The following CD27 variants were observed in gnomAD, a reference collection of about 807,000 sequenced individuals.
CD27 encodes the protein CD27 antigen.
Under a neutral mutation model 25.9 loss-of-function variants are expected in CD27, and 16 were observed. That is an observed-to-expected ratio of 0.62 (90% CI 0.42 to 0.94). The LOEUF (loss-of-function observed/expected upper bound fraction) is 0.94, where lower values mean the gene tolerates loss of function less well. Ranked by LOEUF, CD27 falls within the 40% of genes least tolerant of loss-of-function variation. The pLI, the probability that CD27 is intolerant of heterozygous loss-of-function variation, is 0.00. For synonymous variants in CD27, 142 were observed against 124.3 expected (o/e 1.14, Z -0.95); for missense variants, 300 against 333.2 (o/e 0.90, Z 0.78).
At position 6,450,730 on chromosome 12, in the gene CD27, G is replaced by T; in HGVS notation, c.538+100G>T. Reference sequence around the variant, plus strand: ...GCTCCTAGGATTAGGGATAAGAGGAGGGGAAAAAGCAGAGTCCACTGTTTA... The same window carrying T: ...GCTCCTAGGATTAGGGATAAGAGGATGGGAAAAAGCAGAGTCCACTGTTTA... On this transcript the variant is annotated intron_variant, in intron 4 of 5. Coordinates refer to ENST00000266557, the MANE Select transcript of CD27 (RefSeq NM_001242.5). This position sits in a 1 kb window ranked among gnomAD's most constrained non-coding sequence, Gnocchi z 4.1. The T allele has an allele frequency of 7.0e-7, 1 of 1,420,254 alleles. No homozygotes were observed. The highest frequency in any genetic ancestry group is 9.8e-7 in the Non-Finnish European group (1 of 1,022,144). 88.0% of individuals were successfully genotyped at this position (1,420,254 alleles called of 1,614,324 possible).
chr12:6,445,444 T>C lies in CD27; in HGVS notation c.157T>C (p.Cys53Arg), dbSNP rs1333455988. ...CCCAGGAACATTCCTCGTGAAGGACTGTGACCAGCATAGAAAGGCTGCTCA... is the reference window on the plus strand; with the variant it reads ...CCCAGGAACATTCCTCGTGAAGGACCGTGACCAGCATAGAAAGGCTGCTCA... ...CEPGTFLVKD[C>R]DQHRKAAQCD... Residue 53 changes from cysteine (C) to arginine (R), a missense_variant, in exon 2 of 6, where the codon TGT becomes CGT. Transcript: ENST00000266557. The surrounding 1 kb of genome is among the most constrained non-coding windows in gnomAD (Gnocchi z 4.5). 3 of 1,614,210 alleles carry C rather than the reference T, an allele frequency of 1.9e-6. No homozygotes were observed. Among genetic ancestry groups the C allele is most frequent in the African/African-American group, 1.3e-5 (1 of 75,052 alleles).
chr12:6,449,850 C>CA (rs1310746433), intron 2 of CD27, among the ~76,000 whole-genome samples: 1 of 151,584 alleles, frequency 6.6e-6, no homozygotes, highest in East Asian at 1.9e-4. Context: ...GACTCCATCT[C>CA]AAAAAAATAA....
upstream of CD27, chr12:6,444,943 T>A: frequency 1.3e-6 from 1 of 742,624 alleles, no homozygotes; most frequent in Non-Finnish European, 2.1e-6. Flanking sequence ...ACAGCCACAA[T>A]AGAGATTCTG....
Position 6,445,727 on chromosome 12 carries a change from T to C in CD27, c.268+172T>C, listed in dbSNP as rs1053435710. On this transcript the variant is annotated intron_variant, in intron 2 of 5. Coordinates refer to ENST00000266557, the MANE Select transcript of CD27 (RefSeq NM_001242.5). This position sits in a 1 kb window ranked among gnomAD's most constrained non-coding sequence, Gnocchi z 4.5. ...GAAATGCGGCACCCTAGGTGGGGCA[T>C]GAATTAACGTGGGCAGACATCTAGT... Among the ~76,000 whole-genome samples, 10 of 151,990 alleles carry C rather than the reference T, an allele frequency of 6.6e-5. No individual in the cohort carries two copies. Among genetic ancestry groups the C allele is most frequent in the Admixed American group, 5.2e-4 (8 of 15,250 alleles).
chr12:6,449,352 T>C (rs1255566133), intron 2 of CD27, among the ~76,000 whole-genome samples: 18 of 140,876 alleles, frequency 1.3e-4, no homozygotes, highest in African/African-American at 2.7e-4. Context: ...TTCACTCTGT[T>C]GCCCAGGCTG....
upstream of CD27, among the ~76,000 whole-genome samples, chr12:6,444,668 G>C (rs905428806): frequency 7.4e-6 from 1 of 134,838 alleles, no homozygotes; most frequent in Non-Finnish European, 1.6e-5. Flanking sequence ...GGTGGGTGGG[G>C]GGGGGTAACG....
chr12:6,451,604 A>G lies in CD27; in HGVS notation c.*212A>G, dbSNP rs1445904692. 1 of 528,534 alleles carries G rather than the reference A, an allele frequency of 1.9e-6. No individual in the cohort carries two copies. The highest frequency in any genetic ancestry group is 1.9e-5 in the African/African-American group (1 of 52,604). The allele number at this position is 528,534 out of a possible 1,614,324, so 32.7% of individuals were successfully genotyped here. On this transcript the variant is annotated 3_prime_UTR_variant, in exon 6 of 6. Transcript: ENST00000266557. Reference sequence around the variant, plus strand: ...GAGAGTGGGAAGCAGGAGCCCAGCCAGCTGCGCCTGCGCTGCAGGAGGGCG... The same window carrying G: ...GAGAGTGGGAAGCAGGAGCCCAGCCGGCTGCGCCTGCGCTGCAGGAGGGCG...
chr12:6,450,091 G>A lies in CD27; in HGVS notation c.269-82G>A, dbSNP rs551336869. 1.5e-6 allele frequency: 2 copies of A among 1,313,594 alleles called. No individual in the cohort carries two copies. The highest frequency in any genetic ancestry group is 1.4e-5 in the African/African-American group (1 of 69,448). 81.4% of individuals were successfully genotyped at this position (1,313,594 alleles called of 1,614,324 possible). On this transcript the variant is annotated intron_variant, in intron 2 of 5. Transcript: ENST00000266557. This position sits in a 1 kb window ranked among gnomAD's most constrained non-coding sequence, Gnocchi z 4.1. ...GTCCCTAGAGGTGGGCCTGGGATGG[G>A]GGTTGGGGGATGAAGCAAGTGGACC...
In CD27 at chr12:6,445,583, G is replaced by A. The variant is rs538499060; in HGVS notation, c.268+28G>A. The A allele has an allele frequency of 4.3e-6, 7 of 1,609,226 alleles. No homozygotes were observed. The highest frequency in any genetic ancestry group is 5.9e-6 in the Non-Finnish European group (7 of 1,178,796). On this transcript the variant is annotated intron_variant, in intron 2 of 5. Transcript: ENST00000266557. This position sits in a 1 kb window ranked among gnomAD's most constrained non-coding sequence, Gnocchi z 4.5. ...GAGGTGGGCAAGGGTGTGTAGGTGG[G>A]GACGATGGACAAGCATCTGGGGGAG... is the stretch of plus-strand genomic sequence containing the variant.
chr12:6,445,400 TG>T lies in CD27; in HGVS notation c.137-23del. ...CAGAGAACCAGCCCTTCTCAGGCCT[TG>T]ATCCCTTACCCTCTCCTCCCAGGAA... On this transcript the variant is annotated intron_variant, in intron 1 of 5. Transcript: ENST00000266557. This position sits in a 1 kb window ranked among gnomAD's most constrained non-coding sequence, Gnocchi z 4.5. The T allele has an allele frequency of 6.2e-7, 1 of 1,613,868 alleles. No individual in the cohort carries two copies. Among genetic ancestry groups the T allele is most frequent in the Non-Finnish European group, 8.5e-7 (1 of 1,179,822 alleles).
At chr12:6,449,085 T>A (rs1230770754) in intron 2 of CD27, among the ~76,000 whole-genome samples, 2 of 152,014 alleles carry the variant, frequency 1.3e-5, no homozygotes, top group African/African-American at 4.8e-5. Context: ...AACCTCCACC[T>A]CCCGGGCTCA....
Position 6,445,519 on chromosome 12 carries a change from C to A in CD27, c.232C>A (p.Arg78=), listed in dbSNP as rs775215741. 3 of 1,613,926 alleles carry A rather than the reference C, an allele frequency of 1.9e-6. No homozygotes were observed. The highest frequency in any genetic ancestry group is 1.7e-5 in the Admixed American group (1 of 60,018). Residue 78 remains arginine, a synonymous_variant, in exon 2 of 6, where the codon CGG becomes AGG. Coordinates refer to ENST00000266557, the MANE Select transcript of CD27 (RefSeq NM_001242.5). This position sits in a 1 kb window ranked among gnomAD's most constrained non-coding sequence, Gnocchi z 4.5. ...GVSFSPDHHT[R]PHCESCRHCN... ...CTCCTTCTCTCCTGACCACCACACC[C>A]GGCCCCACTGTGAGAGCTGTCGGCA... is the stretch of plus-strand genomic sequence containing the variant.
Position 6,450,803 on chromosome 12 carries a change from G to T in CD27, c.539-92G>T. 2 of 1,560,700 alleles carry T rather than the reference G, an allele frequency of 1.3e-6. No homozygotes were observed. Among genetic ancestry groups the T allele is most frequent in the South Asian group, 2.3e-5 (2 of 88,414 alleles). On this transcript the variant is annotated intron_variant, in intron 4 of 5. Transcript: ENST00000266557. The surrounding 1 kb of genome is among the most constrained non-coding windows in gnomAD (Gnocchi z 4.1). ...GCGGGTGGGATAGAATAAGGTGGGGGAAAGGGGAGAGGCAAGGTGACAGGA... is the reference window on the plus strand; with the variant it reads ...GCGGGTGGGATAGAATAAGGTGGGGTAAAGGGGAGAGGCAAGGTGACAGGA...
rs1349260522 is a variant in CD27 at position 6,445,372 on chromosome 12, G to A, written c.137-52G>A. On this transcript the variant is annotated intron_variant, in intron 1 of 5. Coordinates refer to ENST00000266557, the MANE Select transcript of CD27 (RefSeq NM_001242.5). The surrounding 1 kb of genome is among the most constrained non-coding windows in gnomAD (Gnocchi z 4.5). ...CTGTGGGGAGGCACCACCTTGAAGA[G>A]GGCAGAGAACCAGCCCTTCTCAGGC... is the stretch of plus-strand genomic sequence containing the variant. The A allele has an allele frequency of 5.0e-6, 8 of 1,612,232 alleles. No individual in the cohort carries two copies. The highest frequency in any genetic ancestry group is 5.9e-6 in the Non-Finnish European group (7 of 1,178,772).
Position 6,450,594 on chromosome 12 carries a change from C to A in CD27, c.502C>A (p.Gln168Lys). The change falls in exon 4 of 6, where the codon CAG becomes AAG. Residue 168 changes from glutamine (Q) to lysine (K), a missense_variant. By Grantham distance (53) the Gln-to-Lys change is moderately conservative. Transcript: ENST00000266557. This position sits in a 1 kb window ranked among gnomAD's most constrained non-coding sequence, Gnocchi z 4.1. ...CATGCAGACTCTGGCTGACTTCAGG[C>A]AGCTGCCTGCCCGGACTCTCTCTAC... is the stretch of plus-strand genomic sequence containing the variant. ...GHMQTLADFRQLPARTLSTHW... is the reference protein window; with the variant it reads ...GHMQTLADFRKLPARTLSTHW... The A allele has an allele frequency of 1.2e-6, 2 of 1,613,152 alleles. No individual in the cohort carries two copies. The highest frequency in any genetic ancestry group is 1.1e-5 in the South Asian group (1 of 91,082).
At chr12:6,448,994 G>GT (rs1032726979) in intron 2 of CD27, among the ~76,000 whole-genome samples, 1 of 127,984 alleles carries the variant, frequency 7.8e-6, no homozygotes, top group Non-Finnish European at 1.6e-5. Context: ...ACTTTGTTTT[G>GT]TTTTTTGTTG....
Position 6,445,527 on chromosome 12 carries a change from C to T in CD27, c.240C>T (p.His80=). The T allele has an allele frequency of 6.2e-7, 1 of 1,613,890 alleles. No individual in the cohort carries two copies. The highest frequency in any genetic ancestry group is 1.1e-5 in the South Asian group (1 of 91,084). The change falls in exon 2 of 6, where the codon CAC becomes CAT. Residue 80 remains histidine (H), a synonymous_variant. Coordinates refer to ENST00000266557, the MANE Select transcript of CD27 (RefSeq NM_001242.5). This position sits in a 1 kb window ranked among gnomAD's most constrained non-coding sequence, Gnocchi z 4.5. ...SFSPDHHTRP[H]CESCRHCNSG... is the part of the protein sequence containing the mutation. Reference sequence around the variant, plus strand: ...CTCCTGACCACCACACCCGGCCCCACTGTGAGAGCTGTCGGCACTGTAACT... The same window carrying T: ...CTCCTGACCACCACACCCGGCCCCATTGTGAGAGCTGTCGGCACTGTAACT...
intron 5 of CD27, 33 bp downstream of exon 5, chr12:6,451,047 C>T (rs774146467): frequency 1.7e-5 from 28 of 1,613,174 alleles, no homozygotes; most frequent in Non-Finnish European, 2.3e-5. Context: ...CCGGTCCTGC[C>T]CCTGCACCAC....
chr12:6,445,064 G>C lies in CD27; in HGVS notation c.-32G>C, dbSNP rs762832382. The stretch of plus-strand genomic sequence containing the variant: ...ACTCCAGAGGCCAGCATCAGCAACT[G>C]GGCACAGAAAGGAGCCGCCTGGGCA... On this transcript the variant is annotated 5_prime_UTR_variant, in exon 1 of 6. Coordinates refer to ENST00000266557, the MANE Select transcript of CD27 (RefSeq NM_001242.5). This position sits in a 1 kb window ranked among gnomAD's most constrained non-coding sequence, Gnocchi z 4.5. 1.2e-5 allele frequency: 19 copies of C among 1,582,832 alleles called. 1 individual carries two copies. The South Asian group carries it at 1.5e-4, about 12-fold the overall frequency.
Sources: gnomAD v4.1 joint callset for allele counts (sites outside exome capture counted in the v4.1 genomes callset) on GRCh38, gnomAD v4.1.1 for gene constraint, Gnocchi (gnomAD v3.1) non-coding constraint, MANE v1.5 for transcripts, NCBI Gene and HGNC (gene_info 2026-07-23, HGNC 2026-07-21) for gene names.